EMP2: variants seen among roughly 807,000 people sequenced by gnomAD.
EMP2 encodes the protein epithelial membrane protein 2.
EMP2 carries 19 observed loss-of-function variants against 13.7 expected under a neutral mutation model. The observed-to-expected ratio is 1.38, with a 90% confidence interval of 0.97 to 2.03. EMP2 has a LOEUF of 2.03. Among genes scored for constraint, EMP2 ranks in the 30% most tolerant of loss-of-function variants. EMP2 has a pLI of 0.00. For missense variants in EMP2, 253 were observed against 220.7 expected (o/e 1.15, Z -0.93); for synonymous variants, 97 against 84.7 (o/e 1.15, Z -0.80).
At chr16:10,534,669 G>A (rs940146405) in intron 4 of EMP2, among the ~76,000 whole-genome samples, 1 of 152,202 alleles carries the variant, frequency 6.6e-6, no homozygotes, top group Non-Finnish European at 1.5e-5. Context: ...GGGAGGCTGC[G>A]GCAGGAGAAT....
intron 1 of EMP2, among the ~76,000 whole-genome samples, chr16:10,579,114 G>GTCAC (rs1375699608): frequency 6.6e-6 from 1 of 152,164 alleles, no homozygotes; most frequent in East Asian, 1.9e-4. Context: ...TCAGGGGTGA[G>GTCAC]GCTCCCAGGG....
At chr16:10,561,088 G>A (rs1005235042) in intron 1 of EMP2, among the ~76,000 whole-genome samples, 9 of 152,180 alleles carry the variant, frequency 5.9e-5, no homozygotes, top group African/African-American at 1.9e-4. Context: ...GGTCTCAAAT[G>A]AGTTGGGAAC....
intron 1 of EMP2, among the ~76,000 whole-genome samples, chr16:10,579,059 T>C (rs927374006): frequency 6.6e-6 from 1 of 152,232 alleles, no homozygotes; most frequent in Admixed American, 6.5e-5. Flanking sequence ...CTTAGATCTC[T>C]AGCCTGTTTC....
intron 1 of EMP2, among the ~76,000 whole-genome samples, chr16:10,557,511 TAA>T (rs1386722059): frequency 1.3e-5 from 2 of 152,158 alleles, no homozygotes; most frequent in Non-Finnish European, 2.9e-5. Context: ...GGATTATGGA[TAA>T]AGTTTTTCCT....
chr16:10,534,997 G>A (rs982240342), intron 4 of EMP2, among the ~76,000 whole-genome samples: 1 of 152,214 alleles, frequency 6.6e-6, no homozygotes, highest in Non-Finnish European at 1.5e-5. Context: ...CAGTGACCCT[G>A]TCAGGGTTCC....
At chr16:10,574,789 A>G (rs1263394745) in intron 1 of EMP2, among the ~76,000 whole-genome samples, 2 of 152,050 alleles carry the variant, frequency 1.3e-5, no homozygotes, top group African/African-American at 4.8e-5. Context: ...TGACCTCACC[A>G]TCCACCCACC....
intron 1 of EMP2, among the ~76,000 whole-genome samples, chr16:10,574,713 G>C (rs1014612500): frequency 6.6e-6 from 1 of 151,048 alleles, no homozygotes; most frequent in African/African-American, 2.4e-5. Flanking sequence ...CACCATGCCG[G>C]CTAATTTTTT....
intron 1 of EMP2, among the ~76,000 whole-genome samples, chr16:10,562,593 C>T (rs991151581): frequency 6.6e-6 from 1 of 152,146 alleles, no homozygotes; most frequent in African/African-American, 2.4e-5. Context: ...CCCAGCTGAG[C>T]TCAGCCCAAA....
intron 4 of EMP2, 113 bp from the exon 5 acceptor site, chr16:10,533,205 A>C: frequency 9.4e-7 from 1 of 1,064,058 alleles, no homozygotes; most frequent in Non-Finnish European, 1.2e-6. Flanking sequence ...TTCTTTGTTT[A>C]TTATTATTTT....
At chr16:10,564,126 C>A (rs914771042) in intron 1 of EMP2, among the ~76,000 whole-genome samples, 1 of 152,154 alleles carries the variant, frequency 6.6e-6, no homozygotes, top group Non-Finnish European at 1.5e-5. Context: ...GCATAAATTT[C>A]TAGGAAAAGT....
intron 4 of EMP2, among the ~76,000 whole-genome samples, chr16:10,534,545 C>T (rs1332098606): frequency 6.6e-6 from 1 of 152,118 alleles, no homozygotes; most frequent in African/African-American, 2.4e-5. Flanking sequence ...GCGGGCAGAT[C>T]ACTTGCACCC....
intron 1 of EMP2, among the ~76,000 whole-genome samples, chr16:10,555,888 A>G (rs1186256643): frequency 2.6e-5 from 4 of 152,312 alleles, no homozygotes; most frequent in East Asian, 3.9e-4. Context: ...CACCTCGCCA[A>G]AGCAATCACT....
chr16:10,550,836 G>C (rs981056919), intron 1 of EMP2, among the ~76,000 whole-genome samples: 1 of 152,052 alleles, frequency 6.6e-6, no homozygotes, highest in Non-Finnish European at 1.5e-5. Flanking sequence ...TTAGCCGGGC[G>C]TGGTGGTGGG....
At position 10,580,006 on chromosome 16, in the gene EMP2, G is replaced by T. The variant is rs998953538; in HGVS notation, c.-61+543C>A. Among the ~76,000 whole-genome samples, 1 of 152,180 alleles carries T rather than the reference G, an allele frequency of 6.6e-6. No homozygotes were observed. The highest frequency in any genetic ancestry group is 1.9e-4 in the East Asian group (1 of 5,180). On this transcript the variant is annotated intron_variant, in intron 1 of 4. Coordinates refer to ENST00000359543, the MANE Select transcript of EMP2 (RefSeq NM_001424.6). The surrounding 1 kb of genome is among the most constrained non-coding windows in gnomAD (Gnocchi z 4.3). Reference sequence around the variant, plus strand: ...AGCCCTTCTAGAGTTGGCAGGGAGAGAGGTGTCATCCCAGCAGCGCCTCCC... The same window carrying T: ...AGCCCTTCTAGAGTTGGCAGGGAGATAGGTGTCATCCCAGCAGCGCCTCCC...
At chr16:10,557,565 C>G (rs2050840637) in intron 1 of EMP2, among the ~76,000 whole-genome samples, 1 of 152,074 alleles carries the variant, frequency 6.6e-6, no homozygotes, top group Admixed American at 6.6e-5. Flanking sequence ...AGAATGGGTT[C>G]AATTCTCTTT....
At chr16:10,576,709 C>T (rs1190165460) in intron 1 of EMP2, 1 of 152,210 alleles carries the variant, frequency 6.6e-6, no homozygotes, top group African/African-American at 2.4e-5. Context: ...CCCAGCTTGC[C>T]AAGGAAGATG....
At chr16:10,560,754 A>C (rs556403550) in intron 1 of EMP2, among the ~76,000 whole-genome samples, 1 of 152,266 alleles carries the variant, frequency 6.6e-6, no homozygotes, top group Non-Finnish European at 1.5e-5. Flanking sequence ...GTCTCTAAGG[A>C]TGGGCGGAGT....
Position 10,548,061 on chromosome 16 carries a change from G to A in EMP2, c.-60-384C>T, listed in dbSNP as rs1596373478. Among the ~76,000 whole-genome samples, 5 of 152,174 alleles carry A rather than the reference G, an allele frequency of 3.3e-5. No individual in the cohort carries two copies. The Middle Eastern group carries it at 0.01, about 311-fold the overall frequency. ...AAAAAGAAAAGGCAACATTTCATGG[G>A]GTCTTAGAAAAGCAAAAACAGTGCT... On this transcript the variant is annotated intron_variant, in intron 1 of 4. Transcript: ENST00000359543.
At chr16:10,538,499 T>A (rs2050668632) in intron 3 of EMP2, among the ~76,000 whole-genome samples, 1 of 152,174 alleles carries the variant, frequency 6.6e-6, no homozygotes, top group African/African-American at 2.4e-5. Context: ...TCAGGGCTCA[T>A]GGGACTGTGA....
Sources: allele counts gnomAD v4.1 joint callset (sites outside exome capture counted in the v4.1 genomes callset), GRCh38; gene constraint gnomAD v4.1.1; non-coding constraint Gnocchi (gnomAD v3.1); transcripts MANE v1.5; gene names NCBI Gene and HGNC (gene_info 2026-07-23, HGNC 2026-07-21).